Variants in EXPH5 observed in about 807,000 individuals in gnomAD.
EXPH5 encodes the protein exophilin 5, also known as exophilin-5.
A neutral mutation model predicts 41.1 loss-of-function variants in EXPH5; 42 were observed. The ratio of observed to expected loss-of-function variants is 1.02; its 90% CI spans 0.80 to 1.32. The LOEUF is 1.32. EXPH5 is among the 40% of genes most tolerant of loss of function. EXPH5 has a pLI of 0.00. For missense variants in EXPH5, 2,298 were observed against 2,314.5 expected, an observed-to-expected ratio of 0.99 and a Z score of 0.15; for synonymous variants, 798 against 833.5, an observed-to-expected ratio of 0.96 and a Z score of 0.73.
chr11:108,543,146 C>T (rs1459351075), intron 1 of EXPH5, among the ~76,000 whole-genome samples: 3 of 152,156 alleles, frequency 2.0e-5, no homozygotes, highest in South Asian at 2.1e-4. Context: ...AGCCATGCAG[C>T]GCACAAATGT....
intron 3 of EXPH5, among the ~76,000 whole-genome samples, chr11:108,531,964 A>C (rs1483437447): frequency 6.6e-6 from 1 of 152,076 alleles, no homozygotes; most frequent in Non-Finnish European, 1.5e-5. Context: ...TAGCCTCTTA[A>C]CTATCTTCTG....
intron 4 of EXPH5, among the ~76,000 whole-genome samples, chr11:108,525,713 A>C (rs2093794029): frequency 6.6e-6 from 1 of 151,922 alleles, no homozygotes; most frequent in African/African-American, 2.4e-5. Flanking sequence ...CATCACCTCA[A>C]ATCTTGGGGA....
In EXPH5 at chr11:108,510,423, A is replaced by C; in HGVS notation, c.5084T>G (p.Ile1695Ser). 1 of 1,614,024 alleles carries C rather than the reference A, an allele frequency of 6.2e-7. No homozygotes were observed. Among genetic ancestry groups the C allele is most frequent in the Non-Finnish European group, 8.5e-7 (1 of 1,179,990 alleles). Reference sequence around the variant, plus strand: ...AAACTCATTCTGATGTCGTTGTGAAATGCTGTTAGACTTCTGGTTGCTGAC... The same window carrying C: ...AAACTCATTCTGATGTCGTTGTGAACTGCTGTTAGACTTCTGGTTGCTGAC... The part of the protein sequence containing the change: ...THVSNQKSNS[I>S]SQRHQNEFKN... The change falls in exon 6 of 6, where the codon ATT (isoleucine) becomes AGT (serine). Residue 1695 changes from isoleucine to serine, a missense_variant. Transcript: ENST00000265843.
At chr11:108,562,545 G>C (rs1255675621) in intron 1 of EXPH5, among the ~76,000 whole-genome samples, 1 of 152,094 alleles carries the variant, frequency 6.6e-6, no homozygotes, top group Non-Finnish European at 1.5e-5. Flanking sequence ...GGAGGGAGAG[G>C]TTGCAGTGAG....
At chr11:108,525,913 C>T (rs1409312414) in intron 4 of EXPH5, among the ~76,000 whole-genome samples, 4 of 134,098 alleles carry the variant, frequency 3.0e-5, no homozygotes, top group Admixed American at 7.2e-5. Flanking sequence ...TTTTCTTTTT[C>T]TTTTCTTTTT....
chr11:108,572,788 A>T (rs146862590), intron 1 of EXPH5, among the ~76,000 whole-genome samples: 6,926 of 152,110 alleles, frequency 0.046, 190 homozygotes, highest in Middle Eastern at 0.068. Flanking sequence ...TGAACTCCTG[A>T]CCTTAGGTGA....
In EXPH5 at chr11:108,540,907, AT is replaced by A. The variant is rs112640072; in HGVS notation, c.280+744del. Among the ~76,000 whole-genome samples the A allele has an allele frequency of 8.2e-3, 1,217 of 148,522 alleles. 16 individuals are homozygous for A. Among genetic ancestry groups the A allele is most frequent in the African/African-American group, 0.028 (1,122 of 40,456 alleles). ...CCCTGTTCCAGCTTAATATTCTATTATTTTTTTTTTATTTGAGGTGCAGTCT... is the reference window on the plus strand; with the variant it reads ...CCCTGTTCCAGCTTAATATTCTATTATTTTTTTTTATTTGAGGTGCAGTCT... On this transcript the variant is annotated intron_variant, in intron 2 of 5. Transcript: ENST00000265843.
chr11:108,534,448 C>T (rs2093865498), intron 3 of EXPH5, among the ~76,000 whole-genome samples: 1 of 152,230 alleles, frequency 6.6e-6, no homozygotes, highest in South Asian at 2.1e-4. Flanking sequence ...CTCTCCTGCC[C>T]CATCCCTTAA....
At chr11:108,572,890 T>G (rs749268386) in intron 1 of EXPH5, among the ~76,000 whole-genome samples, 1 of 152,004 alleles carries the variant, frequency 6.6e-6, no homozygotes, top group Non-Finnish European at 1.5e-5. Flanking sequence ...GTCATTTACC[T>G]CTGCAATTAA....
chr11:108,548,694 G>T (rs992110796), intron 1 of EXPH5, among the ~76,000 whole-genome samples: 2 of 152,160 alleles, frequency 1.3e-5, no homozygotes, highest in Non-Finnish European at 2.9e-5. Flanking sequence ...CTGGGTACGT[G>T]TAATTCATCT....
rs757472029 is a variant in EXPH5 at position 108,513,181 on chromosome 11, T to C, written c.2326A>G (p.Lys776Glu). The change falls in exon 6 of 6, where the codon AAA becomes GAA. Residue 776 changes from lysine to glutamate, a missense_variant. Transcript: ENST00000265843. ...GGTATATACATTTTGGAGGTATCTT[T>C]CCTGGAAAAGACTCTGGGTGACTTT... ...SKKSPRVFSRKDTSKMYIPHT... is the reference protein window; with the variant it reads ...SKKSPRVFSREDTSKMYIPHT... The C allele has an allele frequency of 6.2e-7, 1 of 1,614,134 alleles. No homozygotes were observed. The highest frequency in any genetic ancestry group is 1.1e-5 in the South Asian group (1 of 91,072).
chr11:108,592,054 G>T (rs1172931732), intron 1 of EXPH5, among the ~76,000 whole-genome samples: 1 of 151,946 alleles, frequency 6.6e-6, no homozygotes, highest in African/African-American at 2.4e-5. Context: ...TTCTTCTTCT[G>T]AAAGTTGGGT....
At position 108,505,528 on chromosome 11, in the gene EXPH5, A is replaced by G. The variant is rs2093639845; in HGVS notation, c.*4009T>C. On this transcript the variant is annotated 3_prime_UTR_variant, in exon 6 of 6. Transcript: ENST00000265843. ...TAACCAGAGAACAGGTCTGAGAACA[A>G]GTACATAAAAGGATTATTTGACAAA... 6.6e-6 allele frequency: 1 copy of G among 152,222 alleles called. No individual in the cohort carries two copies. The highest frequency in any genetic ancestry group is 2.1e-4 in the South Asian group (1 of 4,834). The allele number at this position is 152,222 out of a possible 1,614,324, so 9.4% of individuals were successfully genotyped here. A position where few individuals can be genotyped will look rare whatever the true frequency, so the allele number is the denominator to read the frequency against.
rs2094079004 is a variant in EXPH5 at position 108,576,119 on chromosome 11, T to G, written c.119+17299A>C. Among the ~76,000 whole-genome samples the G allele has an allele frequency of 2.0e-5, 3 of 152,158 alleles. No homozygotes were observed. In the South Asian group the frequency reaches 6.2e-4, roughly 32 times the overall value. ...GAACAGGTACTCAAACAAATACTTGTGAGACAATTGTTCATAGCAGCATTA... is the reference window on the plus strand; with the variant it reads ...GAACAGGTACTCAAACAAATACTTGGGAGACAATTGTTCATAGCAGCATTA... On this transcript the variant is annotated intron_variant, in intron 1 of 5. Coordinates refer to ENST00000265843, the MANE Select transcript of EXPH5 (RefSeq NM_015065.3).
At position 108,539,064 on chromosome 11, in the gene EXPH5, C is replaced by T; in HGVS notation, c.403G>A (p.Gly135Arg). 1 of 1,606,994 alleles carries T rather than the reference C, an allele frequency of 6.2e-7. No individual in the cohort carries two copies. The highest frequency in any genetic ancestry group is 2.2e-5 in the East Asian group (1 of 44,778). The change falls in exon 3 of 6, where the codon GGA (glycine) becomes AGA (arginine). Residue 135 changes from glycine to arginine, a missense_variant. By Grantham distance (125) the Gly-to-Arg change is moderately radical. Transcript: ENST00000265843. ...FASLFSFRKS[G>R]KETSKLPSLG... Reference sequence around the variant, plus strand: ...GATGGAAGCTTTGAAGTCTCCTTTCCAGATTTCCTGAATGAGAACAGGGAA... The same window carrying T: ...GATGGAAGCTTTGAAGTCTCCTTTCTAGATTTCCTGAATGAGAACAGGGAA...
At chr11:108,538,949 T>G in intron 3 of EXPH5, 75 bp downstream of exon 3, 1 of 1,284,442 alleles carries the variant, frequency 7.8e-7, no homozygotes, top group Non-Finnish European at 1.1e-6. Context: ...ATTAAACATT[T>G]TGAACACAAA....
chr11:108,530,742 A>T (rs1017516108), intron 3 of EXPH5, among the ~76,000 whole-genome samples: 3 of 152,252 alleles, frequency 2.0e-5, no homozygotes, highest in South Asian at 2.1e-4. Context: ...TGTGTGGGAG[A>T]TGCAGCTAAA....
At chr11:108,532,354 ATATATATATATATTTTTTTT>A (rs1255681281) in intron 3 of EXPH5, among the ~76,000 whole-genome samples, 6 of 23,006 alleles carry the variant, frequency 2.6e-4, no homozygotes, top group South Asian at 4.5e-3. Context: ...ATATATATAT[ATATATATATATATTTTTTTT>A]TTTTTTTTTT....
At chr11:108,566,274 C>G (rs534679498) in intron 1 of EXPH5, among the ~76,000 whole-genome samples, 1 of 152,220 alleles carries the variant, frequency 6.6e-6, no homozygotes, top group South Asian at 2.1e-4. Flanking sequence ...GGGTCTGAAT[C>G]CATTATTGTT....
Sources: allele counts gnomAD v4.1 joint callset (sites outside exome capture counted in the v4.1 genomes callset), GRCh38; gene constraint gnomAD v4.1.1; transcripts MANE v1.5; gene names NCBI Gene and HGNC (gene_info 2026-07-23, HGNC 2026-07-21).